Variants in UNC80 observed in about 807,000 individuals in gnomAD.
The protein encoded by UNC80 is unc-80 subunit of NALCN channel complex.
Under a neutral mutation model 384.6 loss-of-function variants are expected in UNC80, and 164 were observed. The ratio of observed to expected loss-of-function variants is 0.43; its 90% CI spans 0.38 to 0.49. UNC80 has a LOEUF of 0.49. Ranked by LOEUF, UNC80 falls within the 20% of genes least tolerant of loss-of-function variation. The pLI, the probability that UNC80 is intolerant of heterozygous loss-of-function variation, is 0.00. For missense variants in UNC80, 3,330 were observed against 4,143.0 expected (o/e 0.80, Z 5.39); for synonymous variants, 1,486 against 1,527.8 (o/e 0.97, Z 0.64).
intron 7 of UNC80, chr2:209,796,002 C>T (rs1225232325): frequency 6.6e-6 from 1 of 152,294 alleles, no homozygotes; most frequent in East Asian, 1.9e-4. Flanking sequence ...ATGGTAGTTC[C>T]ACTGACAGCT....
At chr2:209,939,419 A>C (rs1465719665) in intron 42 of UNC80, 53 bp from the exon 43 acceptor site, 1 of 1,478,442 alleles carries the variant, frequency 6.8e-7, no homozygotes, top group Non-Finnish European at 9.0e-7. Flanking sequence ...CAGTCTATAA[A>C]TCTGGAGTTT....
Position 209,978,520 on chromosome 2 carries a change from A to G in UNC80, c.8939-9A>G, listed in dbSNP as rs944939342. 2 of 1,526,860 alleles carry G rather than the reference A, an allele frequency of 1.3e-6. No individual in the cohort carries two copies. Among genetic ancestry groups the G allele is most frequent in the Non-Finnish European group, 1.8e-6 (2 of 1,127,936 alleles). The allele number at this position is 1,526,860 out of a possible 1,614,324, so 94.6% of individuals were successfully genotyped here. ...CCATGCATTTCCTTTGGTCTCTCGCATCCTCTAGCCTACCAAGGCAAGACA... is the reference window on the plus strand; with the variant it reads ...CCATGCATTTCCTTTGGTCTCTCGCGTCCTCTAGCCTACCAAGGCAAGACA... On this transcript the variant is annotated splice_polypyrimidine_tract_variant and intron_variant, in intron 58 of 64. Transcript: ENST00000673920.
chr2:209,856,148 A>G (rs1457525853), intron 22 of UNC80, among the ~76,000 whole-genome samples: 1 of 152,074 alleles, frequency 6.6e-6, no homozygotes, highest in African/African-American at 2.4e-5. Flanking sequence ...CAATATTTTT[A>G]TTTTTAACAA....
intron 54 of UNC80, 55 bp downstream of exon 54, chr2:209,971,012 G>A (rs2092868259): frequency 6.6e-7 from 1 of 1,513,458 alleles, no homozygotes. Context: ...TGAGGCACCA[G>A]ATCATGGTGT....
intron 29 of UNC80, among the ~76,000 whole-genome samples, chr2:209,908,415 G>A (rs2088523327): frequency 1.3e-5 from 2 of 152,094 alleles, no homozygotes; most frequent in South Asian, 2.1e-4. Context: ...CCAAAATTGA[G>A]GGTTTTTAAA....
chr2:209,774,529 T>G (rs993274161), intron 2 of UNC80, among the ~76,000 whole-genome samples: 3 of 152,166 alleles, frequency 2.0e-5, no homozygotes, highest in Non-Finnish European at 2.9e-5. Context: ...TTTAAAAAAA[T>G]TATTAAAAGT....
intron 51 of UNC80, among the ~76,000 whole-genome samples, chr2:209,965,035 A>T (rs139705187): frequency 6.6e-6 from 1 of 152,244 alleles, no homozygotes; most frequent in East Asian, 1.9e-4. Context: ...ATAAATTTGG[A>T]GACACATACT....
At chr2:209,786,369 A>G (rs1467581789) in intron 5 of UNC80, among the ~76,000 whole-genome samples, 180 bp downstream of exon 5, 2 of 152,202 alleles carry the variant, frequency 1.3e-5, no homozygotes, top group African/African-American at 4.8e-5. Context: ...AATCAAGAGC[A>G]TGGACTTTGG....
At position 209,918,576 on chromosome 2, in the gene UNC80, T is replaced by C; in HGVS notation, c.5256T>C (p.Leu1752=). Reference sequence around the variant, plus strand: ...ATTTCACCCTTCCCTCGCCGGTGCTTGGAATGCCATCCGTCCCAATGTTTG... The same window carrying C: ...ATTTCACCCTTCCCTCGCCGGTGCTCGGAATGCCATCCGTCCCAATGTTTG... The part of the protein sequence containing the change: ...SINFTLPSPV[L]GMPSVPMFDP... Residue 1752 remains leucine, a synonymous_variant, in exon 33 of 65, where the codon CTT becomes CTC. Transcript: ENST00000673920. 1 of 1,552,220 alleles carries C rather than the reference T, an allele frequency of 6.4e-7. No homozygotes were observed. The highest frequency in any genetic ancestry group is 8.7e-7 in the Non-Finnish European group (1 of 1,147,084).
At chr2:209,933,082 C>T (rs918382518) in intron 38 of UNC80, among the ~76,000 whole-genome samples, 6 of 152,166 alleles carry the variant, frequency 3.9e-5, no homozygotes, top group African/African-American at 1.2e-4. Flanking sequence ...AATATTTGCA[C>T]ATTATTGAAT....
intron 36 of UNC80, among the ~76,000 whole-genome samples, chr2:209,927,448 C>T (rs570204834): frequency 1.4e-3 from 206 of 152,254 alleles, no homozygotes; most frequent in African/African-American, 4.6e-3. Flanking sequence ...AATTTCTTAA[C>T]GTTACATTTT....
intron 41 of UNC80, among the ~76,000 whole-genome samples, chr2:209,937,194 TAAGAC>T (rs2091308369): frequency 6.6e-6 from 1 of 152,250 alleles, no homozygotes; most frequent in Non-Finnish European, 1.5e-5. Flanking sequence ...ATAAGCTAGA[TAAGAC>T]ACTTAGGTAT....
intron 43 of UNC80, among the ~76,000 whole-genome samples, chr2:209,940,031 T>A (rs2091522419): frequency 6.6e-6 from 1 of 152,184 alleles, no homozygotes; most frequent in African/African-American, 2.4e-5. Context: ...TGCATTTCTA[T>A]TAAGTTCTCA....
At chr2:209,969,747 G>T in intron 52 of UNC80, 21 bp from the exon 53 acceptor site, 1 of 1,551,378 alleles carries the variant, frequency 6.4e-7, no homozygotes, top group Non-Finnish European at 8.7e-7. Context: ...AGACGCTAAT[G>T]GCGCCTATAT....
chr2:209,927,644 G>A (rs2124961249), intron 36 of UNC80, among the ~76,000 whole-genome samples: 1 of 152,206 alleles, frequency 6.6e-6, no homozygotes, highest in Admixed American at 6.5e-5. Context: ...ATCTATTGCT[G>A]GTGAAAAAGC....
intron 7 of UNC80, among the ~76,000 whole-genome samples, chr2:209,803,606 A>C (rs1354052800): frequency 6.6e-6 from 1 of 152,240 alleles, no homozygotes; most frequent in African/African-American, 2.4e-5. Context: ...CTAGTCAAAA[A>C]TATGAGGTTC....
chr2:209,864,728 C>T (rs1204516226), intron 22 of UNC80, among the ~76,000 whole-genome samples: 1 of 152,220 alleles, frequency 6.6e-6, no homozygotes, highest in African/African-American at 2.4e-5. Context: ...AGGGGAAAAG[C>T]ACAGCCTTGG....
In UNC80 at chr2:209,853,143, A is replaced by T. The variant is rs182397883; in HGVS notation, c.3627+3520A>T. ...AATAGAATTTGGAGGAGGAGGGGAA[A>T]AATGAATGTGCTCAATTCATCATCA... On this transcript the variant is annotated intron_variant, in intron 22 of 64. Transcript: ENST00000673920. 2.2e-4 allele frequency among the ~76,000 whole-genome samples: 33 copies of T among 152,164 alleles called. 2 individuals are homozygous for T. In the East Asian group the frequency reaches 5.8e-3, roughly 27 times the overall value.
At chr2:209,849,074 T>A (rs1559194525) in intron 21 of UNC80, among the ~76,000 whole-genome samples, 1 of 152,288 alleles carries the variant, frequency 6.6e-6, no homozygotes, top group East Asian at 1.9e-4. Context: ...CAATTTGTTG[T>A]AACAGATCTG....
Sources: gnomAD v4.1 joint callset for allele counts (sites outside exome capture counted in the v4.1 genomes callset) on GRCh38, gnomAD v4.1.1 for gene constraint, MANE v1.5 for transcripts, NCBI Gene and HGNC (gene_info 2026-07-23, HGNC 2026-07-21) for gene names.